The following ATRN variants were observed in gnomAD, a reference collection of about 807,000 sequenced individuals.
ATRN encodes the protein attractin-2.
In ATRN, 54 loss-of-function variants were observed where a neutral mutation model predicts 178.7. The ratio of observed to expected loss-of-function variants is 0.30; its 90% confidence interval spans 0.24 to 0.38. The LOEUF (loss-of-function observed/expected upper bound fraction) is 0.38, where lower values mean the gene tolerates loss of function less well. Among genes scored for constraint, ATRN ranks in the 10% least tolerant of loss-of-function variants. ATRN has a pLI of 1.00. For synonymous variants in ATRN, 636 were observed against 663.0 expected (o/e 0.96, Z 0.63); for missense variants, 1,443 against 1,815.1 (o/e 0.79, Z 3.73).
At chr20:3,624,235 C>T (rs930010901) in intron 24 of ATRN, among the ~76,000 whole-genome samples, 1 of 152,112 alleles carries the variant, frequency 6.6e-6, no homozygotes, top group African/African-American at 2.4e-5. Flanking sequence ...TGGAGGCATG[C>T]GAGGGTCTCC....
At chr20:3,576,764 T>C (rs2086217942) in intron 13 of ATRN, 95 bp from the exon 14 acceptor site, 4 of 1,319,918 alleles carry the variant, frequency 3.0e-6, no homozygotes, top group Non-Finnish European at 3.2e-6. Context: ...GTTTGCTTCC[T>C]CAATTAGATT....
rs904854781 is a variant in ATRN, at chr20:3,648,454, G to T, written c.*1607G>T. 1 of 152,544 alleles carries T rather than the reference G, an allele frequency of 6.6e-6. No individual in the cohort carries two copies. Among genetic ancestry groups the T allele is most frequent in the Non-Finnish European group, 1.5e-5 (1 of 68,026 alleles). 9.4% of individuals were successfully genotyped at this position (152,544 alleles called of 1,614,324 possible). On this transcript the variant is annotated 3_prime_UTR_variant, in exon 29 of 29. Transcript: ENST00000262919. ...TCTGCTTCAAAACCTGGGATCTCTG[G>T]CATTACCCTATTGGGATGGACCGCT...
chr20:3,491,909 C>T (rs17707813), intron 1 of ATRN, among the ~76,000 whole-genome samples: 23,608 of 152,064 alleles, frequency 0.16, 2,212 homozygotes, highest in Non-Finnish European at 0.21. Flanking sequence ...TAAAAGGTAT[C>T]AGATGGCTAA....
chr20:3,572,867 A>C lies in ATRN; in HGVS notation c.2008A>C (p.Thr670Pro). ...ACCTGGTATTCGGTGTGTGTGGAAC[A>C]CAGGGTCGTCTCAGTGTATCTCGTG... The part of the protein sequence containing the change: ...AGPGIRCVWN[T>P]GSSQCISWAL... The change falls in exon 12 of 29, where the codon ACA (threonine) becomes CCA (proline). Residue 670 changes from threonine (T) to proline (P), a missense_variant. Physicochemically the swap from Thr to Pro is conservative, Grantham distance 38. Around this residue, in one of 4 missense-constraint regions of ATRN, gnomAD observed 862 missense variants for 972.1 expected, o/e 0.89. Coordinates refer to ENST00000262919, the MANE Select transcript of ATRN (RefSeq NM_139321.3). 6.2e-7 allele frequency: 1 copy of C among 1,613,844 alleles called. No individual in the cohort carries two copies.
chr20:3,557,545 A>C (rs1268023513), intron 6 of ATRN, among the ~76,000 whole-genome samples: 1 of 152,206 alleles, frequency 6.6e-6, no homozygotes, highest in Non-Finnish European at 1.5e-5. Flanking sequence ...AACAAAACAA[A>C]ACAAAAACCC....
At chr20:3,580,073 G>C (rs2086262056) in intron 15 of ATRN, among the ~76,000 whole-genome samples, 2 of 152,180 alleles carry the variant, frequency 1.3e-5, no homozygotes, top group African/African-American at 4.8e-5. Context: ...TATTTTGATA[G>C]CTTTTTCAGA....
At chr20:3,550,832 G>C (rs1289859794) in intron 6 of ATRN, among the ~76,000 whole-genome samples, 1 of 152,126 alleles carries the variant, frequency 6.6e-6, no homozygotes, top group East Asian at 1.9e-4. Flanking sequence ...ATTCTTTCTT[G>C]GCTGGACAAC....
At chr20:3,566,471 C>A (rs1279418677) in intron 11 of ATRN, among the ~76,000 whole-genome samples, 1 of 152,150 alleles carries the variant, frequency 6.6e-6, no homozygotes, top group African/African-American at 2.4e-5. Context: ...TGTCTACTTT[C>A]CCTTTTTTAA....
In ATRN at chr20:3,471,082, C is replaced by T. The variant is rs746295031; in HGVS notation, c.-26C>T. 377 of 1,505,308 alleles carry T rather than the reference C, an allele frequency of 2.5e-4. 1 individual carries two copies. The highest frequency in any genetic ancestry group is 3.1e-4 in the Non-Finnish European group (355 of 1,133,756). 93.2% of individuals were successfully genotyped at this position (1,505,308 alleles called of 1,614,324 possible). ...CGTGCGGTGTGTGTGTATGTGTTCG[C>T]GGGGCGCCGTCTCAGCCCCGGGAAG... On this transcript the variant is annotated 5_prime_UTR_variant, in exon 1 of 29. Coordinates refer to ENST00000262919, the MANE Select transcript of ATRN (RefSeq NM_139321.3).
At chr20:3,518,361 C>A (rs1408644458) in intron 1 of ATRN, among the ~76,000 whole-genome samples, 4 of 152,200 alleles carry the variant, frequency 2.6e-5, no homozygotes, top group Non-Finnish European at 5.9e-5. Context: ...CAAGTCCCGG[C>A]CCAACTTAAA....
intron 11 of ATRN, 113 bp from the exon 12 acceptor site, chr20:3,572,618 A>T: frequency 2.2e-6 from 2 of 906,528 alleles, no homozygotes; most frequent in Non-Finnish European, 3.3e-6. Flanking sequence ...GGAGTTTGAG[A>T]CTAGCCTGGG....
At position 3,471,367 on chromosome 20, in the gene ATRN, CGGCGGCGGT is replaced by C; in HGVS notation, c.262_270del (p.Ala88_Val90del). The C allele has an allele frequency of 6.7e-7, 1 of 1,482,100 alleles. No homozygotes were observed. Among genetic ancestry groups the C allele is most frequent in the Non-Finnish European group, 8.9e-7 (1 of 1,125,970 alleles). The allele number at this position is 1,482,100 out of a possible 1,614,324, so 91.8% of individuals were successfully genotyped here. ...TGTGAGGCCGAGGCCGCGGCGGCGGCGGCGGCGGTGTCGGGCTCAGCCGCAGCCGAGGCC... is the reference window on the plus strand; with the variant it reads ...TGTGAGGCCGAGGCCGCGGCGGCGGCGTCGGGCTCAGCCGCAGCCGAGGCC... On this transcript the variant is annotated inframe_deletion, in exon 1 of 29. Coordinates refer to ENST00000262919, the MANE Select transcript of ATRN (RefSeq NM_139321.3).
intron 1 of ATRN, among the ~76,000 whole-genome samples, chr20:3,495,448 C>T (rs2084865134): frequency 6.6e-6 from 1 of 152,106 alleles, no homozygotes; most frequent in Admixed American, 6.6e-5. Context: ...TCTGAGAACC[C>T]TGTATCAGGG....
chr20:3,490,065 G>A, intron 1 of ATRN: 2 of 1,215,206 alleles, frequency 1.6e-6, no homozygotes, highest in African/African-American at 1.5e-5. Context: ...GAAAAGCAAT[G>A]TCTTTGTTCT....
At chr20:3,646,590 G>A in intron 28 of ATRN, 133 bp from the exon 29 acceptor site, 1 of 1,284,000 alleles carries the variant, frequency 7.8e-7, no homozygotes, top group South Asian at 1.7e-5. Flanking sequence ...ACCTTTTTGG[G>A]GGTTTTTTGT....
In ATRN at chr20:3,576,933, G is replaced by A; in HGVS notation, c.2289G>A (p.Arg763=). 1 of 1,614,058 alleles carries A rather than the reference G, an allele frequency of 6.2e-7. No homozygotes were observed. The highest frequency in any genetic ancestry group is 1.3e-5 in the African/African-American group (1 of 75,008). The stretch of plus-strand genomic sequence containing the variant: ...ACTGTAACAAGAAGACCAGCTGCAG[G>A]AGCTGTGCCCTGGACCAGAACTGCC... The part of the protein sequence containing the change: ...MYYCNKKTSC[R]SCALDQNCQW... The change falls in exon 14 of 29, where the codon AGG becomes AGA. Residue 763 remains arginine (R), a synonymous_variant. Transcript: ENST00000262919.
At chr20:3,496,959 T>G (rs1289324048) in intron 1 of ATRN, among the ~76,000 whole-genome samples, 1 of 151,648 alleles carries the variant, frequency 6.6e-6, no homozygotes, top group Non-Finnish European at 1.5e-5. Flanking sequence ...TTAAAGTCTG[T>G]TTTATCAGAG....
intron 22 of ATRN, 87 bp downstream of exon 22, chr20:3,598,087 A>G (rs1356003877): frequency 1.2e-5 from 10 of 833,970 alleles, no homozygotes; most frequent in Admixed American, 1.8e-5. Flanking sequence ...CTGCCTTAAC[A>G]GTGCTCTCCA....
chr20:3,636,886 G>A (rs556559180), intron 26 of ATRN, among the ~76,000 whole-genome samples: 1 of 152,314 alleles, frequency 6.6e-6, no homozygotes, highest in East Asian at 1.9e-4. Flanking sequence ...GCACTAAGAA[G>A]TGTTGTTACT....
Sources: gnomAD v4.1 joint callset for allele counts (sites outside exome capture counted in the v4.1 genomes callset) on GRCh38, gnomAD v4.1.1 for gene constraint, gnomAD v4.1.1 regional missense constraint, MANE v1.5 for transcripts, NCBI Gene and HGNC (gene_info 2026-07-23, HGNC 2026-07-21) for gene names.